Variants in WDR17 observed in about 807,000 individuals in gnomAD.
WDR17 encodes the protein WD repeat domain 17, also known as WD repeat-containing protein 17.
In WDR17, 143 loss-of-function variants were observed where a neutral mutation model predicts 161.7. The observed-to-expected ratio is 0.88, with a 90% CI of 0.77 to 1.02. The LOEUF (loss-of-function observed/expected upper bound fraction) is 1.02, where lower values mean the gene tolerates loss of function less well. WDR17 is among the 50% of genes least tolerant of loss of function. The pLI is 0.00. For synonymous variants in WDR17, 517 were observed against 515.6 expected (o/e 1.00, Z -0.04); for missense variants, 1,469 against 1,520.9 (o/e 0.97, Z 0.57).
At chr4:176,150,680 A>T in intron 16 of WDR17, 87 bp downstream of exon 16, 2 of 1,323,458 alleles carry the variant, frequency 1.5e-6, no homozygotes, top group Non-Finnish European at 2.0e-6. Flanking sequence ...AAAAATATAT[A>T]TGATTAGATC....
intron 1 of WDR17, among the ~76,000 whole-genome samples, chr4:176,083,011 G>T (rs1210424920): frequency 1.3e-5 from 2 of 152,030 alleles, no homozygotes; most frequent in African/African-American, 4.8e-5. Context: ...GAAATAAAGA[G>T]TACTTAAACT....
chr4:176,161,991 T>C, intron 20 of WDR17, 84 bp from the exon 21 acceptor site: 1 of 1,191,070 alleles, frequency 8.4e-7, no homozygotes, highest in East Asian at 2.6e-5. Context: ...TTTGGTCTTT[T>C]TATCATACCT....
chr4:176,123,978 A>G (rs1196174852), intron 4 of WDR17, among the ~76,000 whole-genome samples: 2 of 152,216 alleles, frequency 1.3e-5, no homozygotes, highest in African/African-American at 4.8e-5. Context: ...AGAGATTCCA[A>G]GGATTTTAGG....
intron 1 of WDR17, among the ~76,000 whole-genome samples, chr4:176,079,346 T>C (rs1226804696): frequency 1.3e-5 from 2 of 152,166 alleles, no homozygotes; most frequent in African/African-American, 2.4e-5. Flanking sequence ...AGTGGAGATA[T>C]CTTTTGGATG....
chr4:176,142,829 G>T (rs1310123724), intron 11 of WDR17, among the ~76,000 whole-genome samples: 1 of 152,186 alleles, frequency 6.6e-6, no homozygotes, highest in African/African-American at 2.4e-5. Flanking sequence ...CAAAATGATA[G>T]ACCTATGTAT....
chr4:176,134,589 A>G (rs1322088049), intron 7 of WDR17, among the ~76,000 whole-genome samples: 1 of 151,688 alleles, frequency 6.6e-6, no homozygotes, highest in African/African-American at 2.4e-5. Context: ...CTCATTAACA[A>G]TTGGGGTTAT....
chr4:176,092,897 C>T (rs1356367964), intron 1 of WDR17, among the ~76,000 whole-genome samples: 1 of 152,038 alleles, frequency 6.6e-6, no homozygotes, highest in Non-Finnish European at 1.5e-5. Context: ...CAAAAATTAG[C>T]CGGGTGTGGT....
At chr4:176,084,752 TTA>T (rs532011179) in intron 1 of WDR17, among the ~76,000 whole-genome samples, 10 of 146,822 alleles carry the variant, frequency 6.8e-5, no homozygotes, top group Non-Finnish European at 9.0e-5. Context: ...ACTGTCGAGA[TTA>T]TATATATATA....
chr4:176,168,824 G>GCTAT (rs776645913), intron 23 of WDR17, 41 bp downstream of exon 23: 1 of 1,580,892 alleles, frequency 6.3e-7, no homozygotes, highest in East Asian at 2.3e-5. Flanking sequence ...GGAATGCAGT[G>GCTAT]CTATGATTTA....
At chr4:176,123,729 T>C (rs1362631004) in intron 4 of WDR17, among the ~76,000 whole-genome samples, 1 of 152,202 alleles carries the variant, frequency 6.6e-6, no homozygotes, top group African/African-American at 2.4e-5. Flanking sequence ...AACTCCCAAA[T>C]TCTGCTTCTT....
chr4:176,077,840 ATAACT>A (rs1734248884), intron 1 of WDR17, among the ~76,000 whole-genome samples: 1 of 152,148 alleles, frequency 6.6e-6, no homozygotes, highest in South Asian at 2.1e-4. Context: ...TGATAATAAA[ATAACT>A]TATATTATCT....
intron 1 of WDR17, among the ~76,000 whole-genome samples, chr4:176,070,884 G>A (rs1733147295): frequency 6.6e-6 from 1 of 152,042 alleles, no homozygotes; most frequent in African/African-American, 2.4e-5. Flanking sequence ...TTCTTTGCTG[G>A]TTTTCCCAAA....
At chr4:176,076,022 A>G (rs887455361) in intron 1 of WDR17, among the ~76,000 whole-genome samples, 1 of 151,910 alleles carries the variant, frequency 6.6e-6, no homozygotes, top group Non-Finnish European at 1.5e-5. Flanking sequence ...AGTTTAATAA[A>G]GTTATTATAT....
intron 10 of WDR17, among the ~76,000 whole-genome samples, chr4:176,140,594 C>G (rs1745097748): frequency 6.6e-6 from 1 of 152,098 alleles, no homozygotes; most frequent in Non-Finnish European, 1.5e-5. Flanking sequence ...AAATCAGATG[C>G]TCCTCCCCTG....
Position 176,177,787 on chromosome 4 carries a change from C to G in WDR17, c.3732+133C>G, listed in dbSNP as rs1300568142. 1.4e-5 allele frequency: 11 copies of G among 788,592 alleles called. No individual in the cohort carries two copies. In the African/African-American group the frequency reaches 1.6e-4, roughly 12 times the overall value. The allele number at this position is 788,592 out of a possible 1,614,324, so 48.8% of individuals were successfully genotyped here. ...CTGGGGTCCAGTAAGGAAATATTACCTCTAGTGCTTCCATAGTTAGTACAA... is the reference window on the plus strand; with the variant it reads ...CTGGGGTCCAGTAAGGAAATATTACGTCTAGTGCTTCCATAGTTAGTACAA... On this transcript the variant is annotated intron_variant, in intron 28 of 28. Transcript: ENST00000508596.
chr4:176,093,337 C>T (rs1261405578), intron 1 of WDR17, among the ~76,000 whole-genome samples: 2 of 151,990 alleles, frequency 1.3e-5, no homozygotes, highest in Non-Finnish European at 2.9e-5. Flanking sequence ...AAATAATAGT[C>T]CTGAAATTTA....
At chr4:176,123,632 C>A (rs1445949106) in intron 4 of WDR17, among the ~76,000 whole-genome samples, 4 of 152,150 alleles carry the variant, frequency 2.6e-5, no homozygotes, top group African/African-American at 9.7e-5. Flanking sequence ...ATGAAAAGGG[C>A]AAGGCATATG....
intron 1 of WDR17, among the ~76,000 whole-genome samples, chr4:176,102,043 C>G (rs572305479): frequency 6.6e-6 from 1 of 152,122 alleles, no homozygotes; most frequent in Non-Finnish European, 1.5e-5. Flanking sequence ...AAATGAAAAT[C>G]TTCAATTTTT....
At chr4:176,172,222 A>G in intron 23 of WDR17, 153 bp from the exon 24 acceptor site, 1 of 665,724 alleles carries the variant, frequency 1.5e-6, no homozygotes. Context: ...CCATAAATAT[A>G]TTCTCTTAAT....
Sources: gnomAD v4.1 joint callset for allele counts (sites outside exome capture counted in the v4.1 genomes callset) on GRCh38, gnomAD v4.1.1 for gene constraint, MANE v1.5 for transcripts, NCBI Gene and HGNC (gene_info 2026-07-23, HGNC 2026-07-21) for gene names.